The following DPP10 variants were observed in gnomAD, a reference collection of about 807,000 sequenced individuals.
The protein encoded by DPP10 is inactive dipeptidyl peptidase 10.
Under a neutral mutation model 120.9 loss-of-function variants are expected in DPP10, and 33 were observed. That is an observed-to-expected ratio of 0.27 (90% confidence interval 0.21 to 0.37). DPP10 has a LOEUF of 0.37. Ranked by LOEUF, DPP10 falls within the 10% of genes least tolerant of loss-of-function variation. The pLI is 1.00. For missense variants in DPP10, 816 were observed against 942.8 expected, an observed-to-expected ratio of 0.87 and a Z score of 1.76; for synonymous variants, 337 against 326.1, an observed-to-expected ratio of 1.03 and a Z score of -0.36.
chr2:114,943,941 C>A (rs908123462), intron 1 of DPP10, among the ~76,000 whole-genome samples: 3 of 152,128 alleles, frequency 2.0e-5, no homozygotes, highest in Admixed American at 6.5e-5. Flanking sequence ...TATTATCCGA[C>A]TTTCAACATA....
rs374019446 is a variant in DPP10 at position 115,216,923 on chromosome 2, G to A, written c.61-92316G>A. Among the ~76,000 whole-genome samples, 32 of 151,684 alleles carry A rather than the reference G, an allele frequency of 2.1e-4. No individual in the cohort carries two copies. In the South Asian group the frequency reaches 4.8e-3, roughly 23 times the overall value. Reference sequence around the variant, plus strand: ...TATACACATATATACACGTATATATGTCTATGTATATTTGTCTAACTTAAC... The same window carrying A: ...TATACACATATATACACGTATATATATCTATGTATATTTGTCTAACTTAAC... On this transcript the variant is annotated intron_variant, in intron 1 of 25. Coordinates refer to ENST00000410059, the MANE Select transcript of DPP10 (RefSeq NM_020868.6).
rs1366009351 is a variant in DPP10 at position 115,781,127 on chromosome 2, C to A, written c.1483+132C>A. The A allele has an allele frequency of 8.0e-6, 5 of 628,542 alleles. No individual in the cohort carries two copies. The East Asian group carries it at 1.7e-4, about 21-fold the overall frequency. 38.9% of individuals were successfully genotyped at this position (628,542 alleles called of 1,614,324 possible). On this transcript the variant is annotated intron_variant, in intron 16 of 25. Coordinates refer to ENST00000410059, the MANE Select transcript of DPP10 (RefSeq NM_020868.6). ...TATAAATTTTTGTTAATAGGATATA[C>A]ATTATATATAGACTTACTGAGATAC...
intron 1 of DPP10, among the ~76,000 whole-genome samples, chr2:114,799,567 A>T (rs914852071): frequency 6.6e-6 from 1 of 152,158 alleles, no homozygotes; most frequent in Admixed American, 6.5e-5. Flanking sequence ...TAGAGAAAAG[A>T]CATTTGCCTT....
chr2:115,646,823 G>A (rs754867362), intron 5 of DPP10, among the ~76,000 whole-genome samples: 12 of 152,200 alleles, frequency 7.9e-5, no homozygotes, highest in Non-Finnish European at 1.8e-4. Context: ...GTTCCTGCTA[G>A]ATCTACCATG....
rs149290962 is a variant in DPP10 at position 115,167,365 on chromosome 2, G to C, written c.61-141874G>C. ...TTGAGCCTAGGAGTTCTAGACCAGC[G>C]TGGGCAACGTAATGTGACTTTGTCT... is the stretch of plus-strand genomic sequence containing the variant. On this transcript the variant is annotated intron_variant, in intron 1 of 25. Coordinates refer to ENST00000410059, the MANE Select transcript of DPP10 (RefSeq NM_020868.6). Among the ~76,000 whole-genome samples, 616 of 151,538 alleles carry C rather than the reference G, an allele frequency of 4.1e-3. 1 individual carries two copies. The highest frequency in any genetic ancestry group is 5.4e-3 in the Non-Finnish European group (366 of 67,924).
intron 1 of DPP10, among the ~76,000 whole-genome samples, chr2:115,141,713 T>C (rs1438736800): frequency 1.3e-5 from 2 of 152,230 alleles, no homozygotes; most frequent in Non-Finnish European, 2.9e-5. Context: ...AGGTGTATTC[T>C]ATTCATTCAC....
chr2:115,133,640 T>A (rs1057194051), intron 1 of DPP10, among the ~76,000 whole-genome samples: 4 of 152,152 alleles, frequency 2.6e-5, no homozygotes, highest in Admixed American at 6.5e-5. Context: ...GAGCTGCTCA[T>A]GGAAACGCAG....
chr2:115,803,052 T>A (rs1381826899), intron 19 of DPP10, among the ~76,000 whole-genome samples: 1 of 152,148 alleles, frequency 6.6e-6, no homozygotes. Context: ...CCCATTATTA[T>A]TGTGTGGGAT....
rs70941052 is a variant in DPP10 at position 115,384,558 on chromosome 2, GGAAGAA to G, written c.271+40658_271+40663del. Reference sequence around the variant, plus strand: ...GAAAGAAGAAGAAGGAAGAAGAAGAGGAAGAAGAAGAAGAAGAGGAAGAGGAGGAAA... The same window carrying G: ...GAAAGAAGAAGAAGGAAGAAGAAGAGGAAGAAGAAGAGGAAGAGGAGGAAA... On this transcript the variant is annotated intron_variant, in intron 3 of 25. Coordinates refer to ENST00000410059, the MANE Select transcript of DPP10 (RefSeq NM_020868.6). Among the ~76,000 whole-genome samples, 512 of 142,818 alleles carry G rather than the reference GGAAGAA, an allele frequency of 3.6e-3. 2 individuals are homozygous for G. The highest frequency in any genetic ancestry group is 0.011 in the African/African-American group (420 of 37,572). 93.7% of individuals were successfully genotyped at this position (142,818 alleles called of 152,430 possible).
chr2:115,080,130 G>T (rs1272695732), intron 1 of DPP10, among the ~76,000 whole-genome samples: 1 of 152,122 alleles, frequency 6.6e-6, no homozygotes, highest in Non-Finnish European at 1.5e-5. Context: ...CGATTCTCCT[G>T]CCTCAGCCTT....
At chr2:114,570,215 C>T (rs888647901) in intron 1 of DPP10, among the ~76,000 whole-genome samples, 1 of 152,122 alleles carries the variant, frequency 6.6e-6, no homozygotes, top group African/African-American at 2.4e-5. Flanking sequence ...CCAGGTTTGT[C>T]ACCAAAGACT....
At chr2:114,722,426 T>A (rs1257104680) in intron 1 of DPP10, among the ~76,000 whole-genome samples, 1 of 151,106 alleles carries the variant, frequency 6.6e-6, no homozygotes, top group Non-Finnish European at 1.5e-5. Context: ...GAATCTAAAG[T>A]TTTTTTTTGA....
At chr2:114,841,937 G>C (rs2106451623) in intron 1 of DPP10, among the ~76,000 whole-genome samples, 1 of 152,220 alleles carries the variant, frequency 6.6e-6, no homozygotes, top group South Asian at 2.1e-4. Context: ...CAATGGTAAA[G>C]AAACAGTTGT....
At chr2:114,898,526 G>A (rs538483510) in intron 1 of DPP10, among the ~76,000 whole-genome samples, 2 of 151,890 alleles carry the variant, frequency 1.3e-5, no homozygotes, top group Non-Finnish European at 2.9e-5. Context: ...AAAAATAAAG[G>A]TGGTAGGAAA....
intron 5 of DPP10, among the ~76,000 whole-genome samples, chr2:115,650,206 G>A (rs1305253259): frequency 1.3e-5 from 2 of 152,034 alleles, no homozygotes; most frequent in African/African-American, 4.8e-5. Flanking sequence ...AGGTGTATCT[G>A]CAGAAGTAAT....
At chr2:115,022,565 A>G (rs1703153528) in intron 1 of DPP10, among the ~76,000 whole-genome samples, 1 of 152,112 alleles carries the variant, frequency 6.6e-6, no homozygotes, top group African/African-American at 2.4e-5. Context: ...TGTGAAAATG[A>G]CCATACTGCC....
chr2:115,133,181 T>G lies in DPP10; in HGVS notation c.61-176058T>G, dbSNP rs867421101. ...TATATATATATATATATATATAGTT[T>G]TTTTTTTTTTTTCTTGAGACAGAGT... On this transcript the variant is annotated intron_variant, in intron 1 of 25. Transcript: ENST00000410059. 3.8e-3 allele frequency among the ~76,000 whole-genome samples: 367 copies of G among 97,488 alleles called. 2 individuals are homozygous for G. Among genetic ancestry groups the G allele is most frequent in the African/African-American group, 0.016 (348 of 22,042 alleles). 64.0% of individuals were successfully genotyped at this position (97,488 alleles called of 152,430 possible).
At chr2:114,649,973 A>C (rs1449216999) in intron 1 of DPP10, among the ~76,000 whole-genome samples, 2 of 152,194 alleles carry the variant, frequency 1.3e-5, no homozygotes, top group Admixed American at 6.5e-5. Context: ...GAGTGTTATA[A>C]TAACTAGGAG....
chr2:114,930,537 G>A (rs1460728661), intron 1 of DPP10, among the ~76,000 whole-genome samples: 1 of 152,184 alleles, frequency 6.6e-6, no homozygotes, highest in Non-Finnish European at 1.5e-5. Context: ...TTTCCAGTAA[G>A]TTCCTCATTT....
Sources: gnomAD v4.1 joint callset for allele counts (sites outside exome capture counted in the v4.1 genomes callset) on GRCh38, gnomAD v4.1.1 for gene constraint, MANE v1.5 for transcripts, NCBI Gene and HGNC (gene_info 2026-07-23, HGNC 2026-07-21) for gene names.